TENT4A: variants seen among roughly 807,000 people sequenced by gnomAD.
TENT4A encodes the protein DNA polymerase kappa.
TENT4A carries 7 observed loss-of-function variants against 72.8 expected under a neutral mutation model. The observed-to-expected ratio is 0.10, with a 90% CI of 0.05 to 0.18. The LOEUF is 0.18. TENT4A is among the 10% of genes least tolerant of loss of function. The pLI is 1.00. For missense variants in TENT4A, 831 were observed against 1,017.7 expected, an observed-to-expected ratio of 0.82 and a Z score of 2.50; for synonymous variants, 456 against 434.3, an observed-to-expected ratio of 1.05 and a Z score of -0.62.
intron 1 of TENT4A, 199 bp downstream of exon 1, chr5:6,714,898 A>C (rs1213613276): frequency 7.2e-6 from 2 of 278,818 alleles, no homozygotes; most frequent in Admixed American, 1.1e-4. Context: ...CCCAGATCCT[A>C]CAAGTAACAG....
intron 4 of TENT4A, among the ~76,000 whole-genome samples, chr5:6,741,927 A>T (rs1250242614): frequency 6.6e-6 from 1 of 152,212 alleles, no homozygotes. Context: ...ACAGTTGCTC[A>T]GGCAGATTTT....
Position 6,755,235 on chromosome 5 carries a change from TG to T in TENT4A, c.*291del. Reference sequence around the variant, plus strand: ...CTCAGGAACTGCAGGGACGTGAACATGCGCTTGCGGTTTGAGGTAGCCGTGT... The same window carrying T: ...CTCAGGAACTGCAGGGACGTGAACATCGCTTGCGGTTTGAGGTAGCCGTGT... On this transcript the variant is annotated 3_prime_UTR_variant, in exon 13 of 13. Coordinates refer to ENST00000230859, the MANE Select transcript of TENT4A (RefSeq NM_006999.6). The T allele has an allele frequency of 3.3e-6, 1 of 301,380 alleles. No homozygotes were observed. The highest frequency in any genetic ancestry group is 6.1e-6 in the Non-Finnish European group (1 of 163,132). 18.7% of individuals were successfully genotyped at this position (301,380 alleles called of 1,614,324 possible).
chr5:6,723,550 G>T (rs1740763959), intron 1 of TENT4A, among the ~76,000 whole-genome samples: 1 of 152,344 alleles, frequency 6.6e-6, no homozygotes, highest in South Asian at 2.1e-4. Flanking sequence ...AGGTGCTGCA[G>T]TTGGAAATGT....
chr5:6,744,613 ATAG>A (rs1444750348), intron 6 of TENT4A, among the ~76,000 whole-genome samples: 2 of 152,192 alleles, frequency 1.3e-5, no homozygotes, highest in Non-Finnish European at 2.9e-5. Context: ...GAATGCTATG[ATAG>A]TAGAATCACT....
At chr5:6,729,965 G>T (rs1477055774) in intron 1 of TENT4A, among the ~76,000 whole-genome samples, 1 of 152,156 alleles carries the variant, frequency 6.6e-6, no homozygotes, top group Non-Finnish European at 1.5e-5. Context: ...TTCTTTAGCA[G>T]TGGGCTTAGA....
chr5:6,727,108 C>CG (rs1009313794), intron 1 of TENT4A, among the ~76,000 whole-genome samples: 1 of 152,206 alleles, frequency 6.6e-6, no homozygotes, highest in Non-Finnish European at 1.5e-5. Context: ...TGTCCTTACT[C>CG]GGTGTTTCTG....
chr5:6,745,712 G>C (rs1355243829), intron 6 of TENT4A, among the ~76,000 whole-genome samples: 3 of 152,138 alleles, frequency 2.0e-5, no homozygotes, highest in Non-Finnish European at 4.4e-5. Context: ...ATGGAAGCTT[G>C]CTATAAATAT....
chr5:6,749,180 T>C (rs1742261298), intron 8 of TENT4A, among the ~76,000 whole-genome samples: 2 of 152,152 alleles, frequency 1.3e-5, no homozygotes, highest in South Asian at 2.1e-4. Flanking sequence ...CCTGAGCCGC[T>C]GTCTGCTCGG....
At chr5:6,730,673 A>G (rs1158665080) in intron 1 of TENT4A, among the ~76,000 whole-genome samples, 1 of 152,024 alleles carries the variant, frequency 6.6e-6, no homozygotes, top group Non-Finnish European at 1.5e-5. Flanking sequence ...GGCAGGCACT[A>G]AAAGCAGCTG....
chr5:6,725,756 T>C (rs575108988), intron 1 of TENT4A, among the ~76,000 whole-genome samples: 18 of 152,216 alleles, frequency 1.2e-4, no homozygotes, highest in African/African-American at 3.9e-4. Context: ...TGGCTGCCAC[T>C]GTAGGACCTC....
chr5:6,751,399 CTG>C (rs1418195941), intron 11 of TENT4A: 2 of 561,968 alleles, frequency 3.6e-6, no homozygotes, highest in Admixed American at 3.3e-5. Context: ...AGCGAGGACA[CTG>C]TGGTTCTTGA....
Position 6,749,636 on chromosome 5 carries a change from G to A in TENT4A, c.1666G>A (p.Ala556Thr), listed in dbSNP as rs1742286463. Reference protein sequence around the residue: ...RWIKEKWGSKAHPSPGMDSRI... With the variant: ...RWIKEKWGSKTHPSPGMDSRI... Reference sequence around the variant, plus strand: ...GATCAAAGAGAAGTGGGGCAGCAAAGCCCACCCGTCGCCAGGCATGGGTGA... The same window carrying A: ...GATCAAAGAGAAGTGGGGCAGCAAAACCCACCCGTCGCCAGGCATGGGTGA... The change falls in exon 9 of 13, where the codon GCC becomes ACC. Residue 556 changes from alanine (A) to threonine (T), a missense_variant. Transcript: ENST00000230859. 12 of 1,613,200 alleles carry A rather than the reference G, an allele frequency of 7.4e-6. No homozygotes were observed. Among genetic ancestry groups the A allele is most frequent in the African/African-American group, 1.3e-5 (1 of 75,030 alleles).
intron 1 of TENT4A, among the ~76,000 whole-genome samples, chr5:6,724,674 A>G (rs1165416520): frequency 3.3e-5 from 5 of 152,178 alleles, no homozygotes; most frequent in African/African-American, 1.2e-4. Flanking sequence ...GCGTTTTAGG[A>G]TTGGTTTTAG....
chr5:6,739,914 C>T (rs1741710671), intron 4 of TENT4A, 62 bp downstream of exon 4: 1 of 1,528,834 alleles, frequency 6.5e-7, no homozygotes, highest in Non-Finnish European at 9.0e-7. Flanking sequence ...CAGGTGGTCA[C>T]AGGATACGCC....
Position 6,755,000 on chromosome 5 carries a change from C to A in TENT4A, c.*55C>A. ...CCCTCTGCAGACTGCCCCGCGGCCT[C>A]GGCCACCGGCAGGGGAACCGAGACC... On this transcript the variant is annotated 3_prime_UTR_variant, in exon 13 of 13. Coordinates refer to ENST00000230859, the MANE Select transcript of TENT4A (RefSeq NM_006999.6). 6.9e-7 allele frequency: 1 copy of A among 1,448,612 alleles called. No individual in the cohort carries two copies. Among genetic ancestry groups the A allele is most frequent in the East Asian group, 2.5e-5 (1 of 40,712 alleles). The allele number at this position is 1,448,612 out of a possible 1,614,324, so 89.7% of individuals were successfully genotyped here. A position where few individuals can be genotyped will look rare whatever the true frequency, so the allele number is the denominator to read the frequency against.
chr5:6,734,486 C>T (rs1741368180), intron 1 of TENT4A, among the ~76,000 whole-genome samples: 1 of 152,240 alleles, frequency 6.6e-6, no homozygotes. Context: ...CCCTGCTCTC[C>T]TTGAAGAAGG....
Position 6,739,880 on chromosome 5 carries a change from C to T in TENT4A, c.1008+28C>T, listed in dbSNP as rs779947713. 22 of 1,608,122 alleles carry T rather than the reference C, an allele frequency of 1.4e-5. No individual in the cohort carries two copies. In the East Asian group the frequency reaches 4.7e-4, roughly 34 times the overall value. On this transcript the variant is annotated intron_variant, in intron 4 of 12. Coordinates refer to ENST00000230859, the MANE Select transcript of TENT4A (RefSeq NM_006999.6). ...GAGTGCCTGGCTTTGGCCCCTCTGA[C>T]CGGGCAGGAGCCTTGTCACATCCCA... is the stretch of plus-strand genomic sequence containing the variant.
intron 3 of TENT4A, 32 bp downstream of exon 3, chr5:6,738,761 G>T (rs201055222): frequency 9.0e-5 from 138 of 1,533,830 alleles, no homozygotes; most frequent in African/African-American, 8.0e-4. Flanking sequence ...ATGGGCTAGT[G>T]GGGGGCTGGG....
At chr5:6,729,942 G>A (rs1194429668) in intron 1 of TENT4A, among the ~76,000 whole-genome samples, 6 of 152,128 alleles carry the variant, frequency 3.9e-5, no homozygotes, top group African/African-American at 1.4e-4. Context: ...TCCTGGTCTG[G>A]TGCCTCATTT....
Sources: gnomAD v4.1 joint callset for allele counts (sites outside exome capture counted in the v4.1 genomes callset) on GRCh38, gnomAD v4.1.1 for gene constraint, MANE v1.5 for transcripts, NCBI Gene and HGNC (gene_info 2026-07-23, HGNC 2026-07-21) for gene names.